UMAD1: variants seen among roughly 807,000 people sequenced by gnomAD.
UMAD1 encodes UBAP1-MVB12-associated (UMA) domain containing 1.
Under a neutral mutation model 6.1 loss-of-function variants are expected in UMAD1, and 8 were observed. The observed-to-expected ratio is 1.30, with a 90% confidence interval of 0.76 to 2.35. The LOEUF (loss-of-function observed/expected upper bound fraction) is 2.35, where lower values mean the gene tolerates loss of function less well. Among genes scored for constraint, UMAD1 ranks in the 30% most tolerant of loss-of-function variants. The pLI is 0.00. For synonymous variants in UMAD1, 56 were observed against 31.4 expected, an observed-to-expected ratio of 1.78 and a Z score of -2.61; for missense variants, 130 against 78.4, an observed-to-expected ratio of 1.66 and a Z score of -2.49.
intron 2 of UMAD1, among the ~76,000 whole-genome samples, chr7:7,741,470 G>C (rs548662216): frequency 1.3e-5 from 2 of 151,602 alleles, no homozygotes; most frequent in Admixed American, 6.6e-5. Flanking sequence ...CCAGCCACCC[G>C]GGAGGCTGAG....
intron 2 of UMAD1, among the ~76,000 whole-genome samples, chr7:7,743,802 C>G (rs984091457): frequency 1.3e-5 from 2 of 151,756 alleles, no homozygotes; most frequent in Non-Finnish European, 2.9e-5. Context: ...TAACCATTTA[C>G]AAGTGTACAA....
At chr7:7,645,675 A>AT (rs1447832074) in intron 1 of UMAD1, among the ~76,000 whole-genome samples, 3 of 152,054 alleles carry the variant, frequency 2.0e-5, no homozygotes, top group East Asian at 3.9e-4. Flanking sequence ...GATCAAATGC[A>AT]TTTTTTGCCT....
chr7:7,796,240 C>CTTTTTTTTTT (rs1782675248), intron 2 of UMAD1, among the ~76,000 whole-genome samples: 4 of 95,984 alleles, frequency 4.2e-5, no homozygotes, highest in African/African-American at 2.3e-4. Context: ...TTTCTATTTT[C>CTTTTTTTTTT]TTTCTTTTTT....
chr7:7,736,805 T>C (rs1259351891), intron 2 of UMAD1: 1 of 152,260 alleles, frequency 6.6e-6, no homozygotes, highest in Non-Finnish European at 1.5e-5. Context: ...TCTGAGCTTT[T>C]CCACAATTCA....
In UMAD1 at chr7:7,781,324, G is replaced by A. The variant is rs77188907; in HGVS notation, c.83-20346G>A. 2.0e-3 allele frequency among the ~76,000 whole-genome samples: 299 copies of A among 151,678 alleles called. 9 individuals are homozygous for A. In the East Asian group the frequency reaches 0.039, roughly 20 times the overall value. On this transcript the variant is annotated intron_variant, in intron 2 of 3. Transcript: ENST00000682710. ...TACATAGGGCGCAGCTTCCCCTCCC[G>A]ACCTTATTCTTTTTCAAAAATAATC...
intron 2 of UMAD1, chr7:7,676,000 C>T (rs147126730): frequency 3.4e-4 from 135 of 395,784 alleles, no homozygotes; most frequent in East Asian, 2.6e-3. Flanking sequence ...TACCATTACT[C>T]TCCTGAAGTT....
chr7:7,676,496 T>C (rs935039577), intron 2 of UMAD1, among the ~76,000 whole-genome samples: 4 of 152,220 alleles, frequency 2.6e-5, no homozygotes, highest in Non-Finnish European at 4.4e-5. Context: ...AAAAAAGTTA[T>C]ATCATCAGTT....
chr7:7,736,504 A>G (rs1396052427), intron 2 of UMAD1: 1 of 152,250 alleles, frequency 6.6e-6, no homozygotes, highest in African/African-American at 2.4e-5. Context: ...TCAGAGATTC[A>G]GTCGTCTTTA....
At chr7:7,828,558 A>G (rs1783393242) in intron 3 of UMAD1, among the ~76,000 whole-genome samples, 1 of 152,174 alleles carries the variant, frequency 6.6e-6, no homozygotes, top group East Asian at 1.9e-4. Context: ...TAGGGACCCC[A>G]TCCCTGCTGA....
intron 3 of UMAD1, among the ~76,000 whole-genome samples, chr7:7,809,108 A>G (rs978720322): frequency 1.3e-5 from 2 of 152,024 alleles, no homozygotes; most frequent in African/African-American, 4.8e-5. Context: ...ATAGAGTAGC[A>G]GAAATAGTAA....
rs1453903660 is a variant in UMAD1 at position 7,737,972 on chromosome 7, C to G, written c.83-63698C>G. 2.6e-5 allele frequency among the ~76,000 whole-genome samples: 4 copies of G among 152,308 alleles called. No homozygotes were observed. In the East Asian group the frequency reaches 7.7e-4, roughly 29 times the overall value. On this transcript the variant is annotated intron_variant, in intron 2 of 3. Transcript: ENST00000682710. The stretch of plus-strand genomic sequence containing the variant: ...AGTGGAAAATTTAGTGTCACTAAAA[C>G]TTTGTCCTGCTAGTCACCTTAAAAC...
chr7:7,862,190 G>C (rs1468346096), intron 3 of UMAD1, among the ~76,000 whole-genome samples: 2 of 151,966 alleles, frequency 1.3e-5, no homozygotes, highest in East Asian at 3.8e-4. Context: ...TATCATATAA[G>C]TGATGTCAAT....
intron 3 of UMAD1, among the ~76,000 whole-genome samples, chr7:7,860,772 C>G (rs902518780): frequency 9.5e-5 from 7 of 73,974 alleles, no homozygotes. Flanking sequence ...GAGACTCCAT[C>G]TCAAAAAAAA....
At chr7:7,707,500 A>C (rs773630553) in intron 2 of UMAD1, among the ~76,000 whole-genome samples, 1 of 152,180 alleles carries the variant, frequency 6.6e-6, no homozygotes, top group African/African-American at 2.4e-5. Context: ...TATGCTCTCA[A>C]ATTGCTTCAG....
intron 3 of UMAD1, among the ~76,000 whole-genome samples, chr7:7,871,059 CT>C (rs1784323032): frequency 6.6e-6 from 1 of 152,328 alleles, no homozygotes; most frequent in Admixed American, 6.5e-5. Context: ...CAATTTTTCA[CT>C]GTCCACGGTG....
chr7:7,665,944 T>G (rs1262211893), intron 1 of UMAD1, among the ~76,000 whole-genome samples: 2 of 152,188 alleles, frequency 1.3e-5, no homozygotes, highest in African/African-American at 4.8e-5. Context: ...TATTGGACAT[T>G]TGGGTTGTTT....
intron 2 of UMAD1, among the ~76,000 whole-genome samples, chr7:7,688,855 C>G (rs368378078): frequency 6.6e-6 from 1 of 152,066 alleles, no homozygotes; most frequent in African/African-American, 2.4e-5. Flanking sequence ...GACTTGTAAA[C>G]CATTTAATAT....
chr7:7,822,131 A>G (rs1783252457), intron 3 of UMAD1, among the ~76,000 whole-genome samples: 1 of 152,116 alleles, frequency 6.6e-6, no homozygotes, highest in Non-Finnish European at 1.5e-5. Flanking sequence ...AGGGGGGTTT[A>G]GCTATTTACC....
At chr7:7,835,593 A>G (rs1783553759) in intron 3 of UMAD1, among the ~76,000 whole-genome samples, 1 of 150,776 alleles carries the variant, frequency 6.6e-6, no homozygotes, top group Non-Finnish European at 1.5e-5. Context: ...AATAAATAAA[A>G]TAATTCTAAT....
Sources: allele counts gnomAD v4.1 joint callset (sites outside exome capture counted in the v4.1 genomes callset), GRCh38; gene constraint gnomAD v4.1.1; transcripts MANE v1.5; gene names NCBI Gene and HGNC (gene_info 2026-07-23, HGNC 2026-07-21).